The following ANKMY1 variants were observed in gnomAD, a reference collection of about 807,000 sequenced individuals.
ANKMY1 encodes the protein ankyrin repeat and MYND domain containing 1.
ANKMY1 carries 98 observed loss-of-function variants against 102.0 expected under a neutral mutation model. The observed-to-expected ratio is 0.96, with a 90% confidence interval of 0.82 to 1.14. ANKMY1 has a LOEUF of 1.14. Among genes scored for constraint, ANKMY1 ranks in the 50% most tolerant of loss-of-function variants. ANKMY1 has a pLI of 0.00. For synonymous variants in ANKMY1, 582 were observed against 559.9 expected (o/e 1.04, Z -0.56); for missense variants, 1,330 against 1,347.6 (o/e 0.99, Z 0.20).
intron 15 of ANKMY1, among the ~76,000 whole-genome samples, chr2:240,496,312 C>T (rs1357721564): frequency 6.6e-6 from 1 of 151,956 alleles, no homozygotes; most frequent in Non-Finnish European, 1.5e-5. Flanking sequence ...AAATATTCTT[C>T]CTGCTTCTTT....
chr2:240,498,485 AG>A (rs1429213144), intron 15 of ANKMY1, among the ~76,000 whole-genome samples: 2 of 29,812 alleles, frequency 6.7e-5, no homozygotes, highest in African/African-American at 2.8e-4. Context: ...GTGGGGGTGG[AG>A]CTGAGGGGGG....
intron 15 of ANKMY1, among the ~76,000 whole-genome samples, chr2:240,495,625 G>GC (rs2077159617): frequency 1.3e-5 from 2 of 152,140 alleles, no homozygotes; most frequent in Admixed American, 6.5e-5. Flanking sequence ...TCCTTACCCT[G>GC]CCCCCTTGTC....
In ANKMY1 at chr2:240,509,192, G is replaced by C. The variant is rs144682850; in HGVS notation, c.2394+156C>G. Among the ~76,000 whole-genome samples, 1,478 of 148,516 alleles carry C rather than the reference G, an allele frequency of 1.0e-2. 13 individuals carry two copies. Among genetic ancestry groups the C allele is most frequent in the Non-Finnish European group, 0.015 (1,016 of 67,176 alleles). The stretch of plus-strand genomic sequence containing the variant: ...GAGTGAATGGGTAGTTGGGTGGATA[G>C]ATGGGTGGGTGAGTGGATGGGTGGA... On this transcript the variant is annotated intron_variant, in intron 12 of 17. Coordinates refer to ENST00000401804, the MANE Select transcript of ANKMY1 (RefSeq NM_001282771.3).
At chr2:240,500,920 C>T (rs560017605) in intron 13 of ANKMY1, among the ~76,000 whole-genome samples, 10 of 152,228 alleles carry the variant, frequency 6.6e-5, no homozygotes, top group South Asian at 4.1e-4. Flanking sequence ...AGGCAGACAC[C>T]GGGCAGCTCT....
At chr2:240,504,080 G>C (rs889905832) in intron 13 of ANKMY1, among the ~76,000 whole-genome samples, 1 of 152,198 alleles carries the variant, frequency 6.6e-6, no homozygotes, top group Non-Finnish European at 1.5e-5. Context: ...CCCAGGCTAT[G>C]GTCTGCTGCA....
At chr2:240,476,297 G>A (rs2074845748), downstream of ANKMY1, among the ~76,000 whole-genome samples, 1 of 152,106 alleles carries the variant, frequency 6.6e-6, no homozygotes, top group Non-Finnish European at 1.5e-5. Flanking sequence ...ACATGCAGAA[G>A]AGAGAAATTG....
At chr2:240,485,583 T>C (rs1353883849) in intron 15 of ANKMY1, among the ~76,000 whole-genome samples, 2 of 142,532 alleles carry the variant, frequency 1.4e-5, no homozygotes, top group Non-Finnish European at 3.0e-5. Flanking sequence ...ACATGAATCT[T>C]CTTTTTTTTT....
intron 15 of ANKMY1, among the ~76,000 whole-genome samples, chr2:240,489,240 G>A (rs1291028978): frequency 6.6e-6 from 1 of 152,098 alleles, no homozygotes. Flanking sequence ...GATCACCTGA[G>A]GTCAGGAGTT....
chr2:240,540,325 T>C (rs369164306), intron 4 of ANKMY1, among the ~76,000 whole-genome samples: 2 of 152,240 alleles, frequency 1.3e-5, no homozygotes, highest in African/African-American at 4.8e-5. Flanking sequence ...CTCCCTGAGA[T>C]TGTGTTTCCC....
At chr2:240,469,195 T>C in the ANKMY1 span, among the ~76,000 whole-genome samples, 4 of 152,222 alleles carry the variant, frequency 2.6e-5, no homozygotes, top group Non-Finnish European at 5.9e-5. Flanking sequence ...CAAGCCCTTT[T>C]TGAACCTGGG....
Position 240,520,378 on chromosome 2 carries a change from A to AT in ANKMY1, c.1987dup (p.Ile663AsnfsTer66). 6.4e-7 allele frequency: 1 copy of AT among 1,565,388 alleles called. No individual in the cohort carries two copies. Among genetic ancestry groups the AT allele is most frequent in the South Asian group, 1.2e-5 (1 of 86,168 alleles). On this transcript the variant is annotated frameshift_variant, in exon 9 of 18. Transcript: ENST00000401804. LOFTEE classifies it high-confidence loss of function. The surrounding 1 kb of genome is among the most constrained non-coding windows in gnomAD (Gnocchi z 4.8). ...GGCTCCTACCTGCGGCGGAAAGCAGATGTCGGTCCTCGCCCCGTGCTCCAG... is the reference window on the plus strand; with the variant it reads ...GGCTCCTACCTGCGGCGGAAAGCAGATTGTCGGTCCTCGCCCCGTGCTCCAG...
Position 240,500,517 on chromosome 2 carries a change from G to A in ANKMY1, c.2575C>T (p.Leu859Phe). 6.2e-7 allele frequency: 1 copy of A among 1,614,168 alleles called. No homozygotes were observed. Among genetic ancestry groups the A allele is most frequent in the Non-Finnish European group, 8.5e-7 (1 of 1,180,002 alleles). The change falls in exon 14 of 18, where the codon CTC (leucine) becomes TTC (phenylalanine). Residue 859 changes from leucine (L) to phenylalanine (F), a missense_variant. Coordinates refer to ENST00000401804, the MANE Select transcript of ANKMY1 (RefSeq NM_001282771.3). ...HGADILKPVM[L>F]RQGEKEAVGT... ...ACTGCCTCCTTTTCTCCCTGCCTGA[G>A]CATTACAGGCTTCAGGATGTCGGCC...
intron 4 of ANKMY1, among the ~76,000 whole-genome samples, chr2:240,532,388 C>T (rs2085634244): frequency 6.6e-6 from 1 of 152,164 alleles, no homozygotes; most frequent in African/African-American, 2.4e-5. Context: ...ATACCATCTT[C>T]AAATACACAT....
upstream of ANKMY1, chr2:240,560,315 AGACG>A (rs1033258059): frequency 1.7e-5 from 3 of 175,532 alleles, no homozygotes; most frequent in Non-Finnish European, 3.6e-5. Flanking sequence ...CCTCCGCGCC[AGACG>A]CCGCAGTAGA....
the ANKMY1 span, among the ~76,000 whole-genome samples, chr2:240,472,672 G>A: frequency 6.7e-6 from 1 of 150,192 alleles, no homozygotes; most frequent in South Asian, 2.1e-4. Flanking sequence ...TGTAGACTCA[G>A]CAGCAGCCAT....
chr2:240,538,402 C>G (rs1169533680), intron 4 of ANKMY1, among the ~76,000 whole-genome samples: 1 of 152,152 alleles, frequency 6.6e-6, no homozygotes, highest in Non-Finnish European at 1.5e-5. Flanking sequence ...TTGCCCCGGG[C>G]AGTGAGGGGC....
In ANKMY1 at chr2:240,481,441, A is replaced by G. The variant is rs1435982586; in HGVS notation, c.2886-344T>C. 2.6e-5 allele frequency among the ~76,000 whole-genome samples: 4 copies of G among 152,098 alleles called. No homozygotes were observed. In the East Asian group the frequency reaches 7.7e-4, roughly 29 times the overall value. On this transcript the variant is annotated intron_variant, in intron 16 of 17. Transcript: ENST00000401804. ...TGCGGAACTCCTAGGCACATAGGGA[A>G]ATGTCTGTGGTACAGTGTTGCATGG...
upstream of ANKMY1, chr2:240,558,076 C>T (rs1359830344): frequency 2.6e-6 from 2 of 769,124 alleles, no homozygotes; most frequent in Non-Finnish European, 3.2e-6. Context: ...AGGACGCACC[C>T]GGCCCCGCCT....
chr2:240,557,078 T>G (rs1486316691), intron 2 of ANKMY1, 112 bp downstream of exon 2: 1 of 1,198,954 alleles, frequency 8.3e-7, no homozygotes, highest in East Asian at 2.8e-5. Context: ...GAAACTAGTT[T>G]CTCAGGGAGT....
Sources: allele counts gnomAD v4.1 joint callset (sites outside exome capture counted in the v4.1 genomes callset), GRCh38; gene constraint gnomAD v4.1.1; non-coding constraint Gnocchi (gnomAD v3.1); transcripts MANE v1.5; gene names NCBI Gene and HGNC (gene_info 2026-07-23, HGNC 2026-07-21).